The following LHFPL3 variants were observed in gnomAD, a reference collection of about 807,000 sequenced individuals.
The protein encoded by LHFPL3 is LHFPL tetraspan subfamily member 3.
LHFPL3 carries 5 observed loss-of-function variants against 19.3 expected under a neutral mutation model. The observed-to-expected ratio is 0.26, with a 90% confidence interval of 0.14 to 0.54. The LOEUF is 0.54. LHFPL3 is among the 20% of genes least tolerant of loss of function. The pLI, the probability that LHFPL3 is intolerant of heterozygous loss-of-function variation, is 0.94. For synonymous variants in LHFPL3, 133 were observed against 126.2 expected (o/e 1.05, Z -0.36); for missense variants, 249 against 307.4 (o/e 0.81, Z 1.42).
At chr7:104,371,461 G>A (rs1790614036) in intron 1 of LHFPL3, among the ~76,000 whole-genome samples, 1 of 152,090 alleles carries the variant, frequency 6.6e-6, no homozygotes, top group South Asian at 2.1e-4. Context: ...TGATTCTGTG[G>A]TTTGTTTTTC....
intron 2 of LHFPL3, among the ~76,000 whole-genome samples, chr7:104,834,872 A>G (rs982257368): frequency 6.6e-6 from 1 of 152,018 alleles, no homozygotes; most frequent in Non-Finnish European, 1.5e-5. Context: ...ACTTAGGTCC[A>G]TTGTAACCTT....
intron 2 of LHFPL3, among the ~76,000 whole-genome samples, chr7:104,872,574 A>G (rs1404530991): frequency 2.0e-5 from 3 of 149,748 alleles, no homozygotes; most frequent in Non-Finnish European, 4.5e-5. Flanking sequence ...GAATCCAGGA[A>G]GCACAGATGG....
rs1554415305 is a variant in LHFPL3, at chr7:104,614,653, C to CT, written c.446-122021dup. Among the ~76,000 whole-genome samples the CT allele has an allele frequency of 1.8e-3, 92 of 51,424 alleles. 1 individual carries two copies. The highest frequency in any genetic ancestry group is 3.5e-3 in the South Asian group (3 of 848). 33.7% of individuals were successfully genotyped at this position (51,424 alleles called of 152,430 possible). A position where few individuals can be genotyped will look rare whatever the true frequency, so the allele number is the denominator to read the frequency against. Reference sequence around the variant, plus strand: ...CTTCTCTTCTCTTCTCTTCTCTTCTCTCCTTCCTTCCTTCCTTCCTTCCTT... The same window carrying CT: ...CTTCTCTTCTCTTCTCTTCTCTTCTCTTCCTTCCTTCCTTCCTTCCTTCCTT... On this transcript the variant is annotated intron_variant, in intron 1 of 2. Transcript: ENST00000424859.
At chr7:104,788,823 C>T (rs955730964) in intron 2 of LHFPL3, among the ~76,000 whole-genome samples, 6 of 152,166 alleles carry the variant, frequency 3.9e-5, no homozygotes, top group African/African-American at 9.7e-5. Context: ...CTCCTTCACT[C>T]GTTCCCTCTC....
At chr7:104,460,310 T>A (rs965336606) in intron 1 of LHFPL3, among the ~76,000 whole-genome samples, 8 of 152,218 alleles carry the variant, frequency 5.3e-5, no homozygotes, top group Admixed American at 6.5e-5. Flanking sequence ...ACAGTGAACA[T>A]TCACATGTGT....
chr7:104,673,337 T>C (rs1316601898), intron 1 of LHFPL3, among the ~76,000 whole-genome samples: 2 of 152,242 alleles, frequency 1.3e-5, no homozygotes, highest in African/African-American at 2.4e-5. Flanking sequence ...TATTAAATAC[T>C]AAATAGTTCG....
At chr7:104,402,213 A>G (rs1791327487) in intron 1 of LHFPL3, among the ~76,000 whole-genome samples, 1 of 152,220 alleles carries the variant, frequency 6.6e-6, no homozygotes, top group South Asian at 2.1e-4. Context: ...GGCTTTCCAA[A>G]CACATAAAAC....
At chr7:104,421,804 A>T (rs557946894) in intron 1 of LHFPL3, among the ~76,000 whole-genome samples, 18 of 152,170 alleles carry the variant, frequency 1.2e-4, no homozygotes, top group Admixed American at 2.6e-4. Context: ...ATCCACCCCA[A>T]ATTCATACAT....
chr7:104,874,146 C>G (rs983858489), intron 2 of LHFPL3, among the ~76,000 whole-genome samples: 1 of 152,208 alleles, frequency 6.6e-6, no homozygotes, highest in African/African-American at 2.4e-5. Flanking sequence ...TCTAATTCTA[C>G]TTATTATTAG....
chr7:104,859,716 C>T (rs1377850605), intron 2 of LHFPL3, among the ~76,000 whole-genome samples: 1 of 151,946 alleles, frequency 6.6e-6, no homozygotes, highest in Non-Finnish European at 1.5e-5. Context: ...AATAGGGAGA[C>T]CACAGAGGAT....
chr7:104,347,461 T>C (rs1204116981), intron 1 of LHFPL3, among the ~76,000 whole-genome samples: 1 of 152,122 alleles, frequency 6.6e-6, no homozygotes, highest in Non-Finnish European at 1.5e-5. Context: ...CAGAATGATA[T>C]CATTGAGGCT....
At chr7:104,829,349 C>T (rs1790889959) in intron 2 of LHFPL3, among the ~76,000 whole-genome samples, 1 of 151,498 alleles carries the variant, frequency 6.6e-6, no homozygotes, top group Non-Finnish European at 1.5e-5. Context: ...TATTATTATA[C>T]TTTAAGTTTT....
chr7:104,699,358 AC>A (rs1793058491), intron 1 of LHFPL3, among the ~76,000 whole-genome samples: 2 of 152,366 alleles, frequency 1.3e-5, no homozygotes, highest in Non-Finnish European at 2.9e-5. Flanking sequence ...AAAGAAGGAC[AC>A]TTTTACACAT....
At chr7:104,711,540 CATG>C (rs2116215183) in intron 1 of LHFPL3, among the ~76,000 whole-genome samples, 1 of 152,342 alleles carries the variant, frequency 6.6e-6, no homozygotes, top group East Asian at 1.9e-4. Flanking sequence ...AGCCCCAAGT[CATG>C]GCCTTTCTGA....
intron 1 of LHFPL3, among the ~76,000 whole-genome samples, chr7:104,484,068 T>C (rs1211102905): frequency 6.6e-6 from 1 of 152,078 alleles, no homozygotes; most frequent in East Asian, 1.9e-4. Context: ...TCCTGGGGAT[T>C]TGCATTTTTA....
At chr7:104,446,164 A>G (rs1475891111) in intron 1 of LHFPL3, among the ~76,000 whole-genome samples, 1 of 152,256 alleles carries the variant, frequency 6.6e-6, no homozygotes, top group Non-Finnish European at 1.5e-5. Flanking sequence ...TTCACTGGGC[A>G]TGAGCAGTAA....
chr7:104,333,370 C>T (rs1801606122), intron 1 of LHFPL3, among the ~76,000 whole-genome samples: 1 of 152,216 alleles, frequency 6.6e-6, no homozygotes, highest in African/African-American at 2.4e-5. Context: ...AAGATACTCG[C>T]TTTCATCTGT....
At chr7:104,669,162 GC>G (rs1379569949) in intron 1 of LHFPL3, 1 of 1,613,044 alleles carries the variant, frequency 6.2e-7, no homozygotes, top group Non-Finnish European at 8.5e-7. Flanking sequence ...TAAAGGTAAT[GC>G]CAGCCCCTCC....
chr7:104,599,329 TC>T (rs1562946454), intron 1 of LHFPL3, among the ~76,000 whole-genome samples: 1 of 152,236 alleles, frequency 6.6e-6, no homozygotes, highest in Non-Finnish European at 1.5e-5. Flanking sequence ...TATTTCCTTT[TC>T]ATTTTCATTG....
Sources: gnomAD v4.1 joint callset for allele counts (sites outside exome capture counted in the v4.1 genomes callset) on GRCh38, gnomAD v4.1.1 for gene constraint, MANE v1.5 for transcripts, NCBI Gene and HGNC (gene_info 2026-07-23, HGNC 2026-07-21) for gene names.